The following ARHGAP42 variants were observed in gnomAD, a reference collection of about 807,000 sequenced individuals.
ARHGAP42 encodes the protein rho GTPase-activating protein 42.
A neutral mutation model predicts 125.0 loss-of-function variants in ARHGAP42; 63 were observed. The ratio of observed to expected loss-of-function variants is 0.50; its 90% CI spans 0.41 to 0.62. The LOEUF is 0.62. ARHGAP42 is among the 20% of genes least tolerant of loss of function. The pLI is 0.00. For synonymous variants in ARHGAP42, 339 were observed against 351.0 expected (o/e 0.97, Z 0.38); for missense variants, 766 against 1,024.2 (o/e 0.75, Z 3.44).
intron 3 of ARHGAP42, among the ~76,000 whole-genome samples, chr11:100,847,518 C>T (rs192265135): frequency 1.7e-4 from 26 of 152,174 alleles, no homozygotes; most frequent in African/African-American, 5.1e-4. Flanking sequence ...AGATGATAAA[C>T]GCTGGGGAGT....
intron 1 of ARHGAP42, among the ~76,000 whole-genome samples, chr11:100,697,301 GC>G (rs1166325734): frequency 6.6e-6 from 1 of 152,044 alleles, no homozygotes; most frequent in Admixed American, 6.6e-5. Context: ...TCCTGCCTCA[GC>G]CTCCCCAGTA....
chr11:100,830,907 C>A (rs1225174593), intron 3 of ARHGAP42, among the ~76,000 whole-genome samples: 2 of 151,904 alleles, frequency 1.3e-5, no homozygotes, highest in African/African-American at 2.4e-5. Flanking sequence ...CAACATTTTT[C>A]TTGGGATATA....
chr11:100,976,798 T>C lies in ARHGAP42; in HGVS notation c.2237-17T>C, dbSNP rs1858404121. The stretch of plus-strand genomic sequence containing the variant: ...GTCTAATAGCACCTTGCCTATTTTC[T>C]TGGGCTTTCTTTTTAGGAAACAAGA... On this transcript the variant is annotated splice_polypyrimidine_tract_variant and intron_variant, in intron 20 of 23. Coordinates refer to ENST00000298815, the MANE Select transcript of ARHGAP42 (RefSeq NM_152432.4). The C allele has an allele frequency of 1.9e-6, 3 of 1,549,032 alleles. No individual in the cohort carries two copies. The highest frequency in any genetic ancestry group is 1.4e-5 in the African/African-American group (1 of 72,892).
intron 1 of ARHGAP42, among the ~76,000 whole-genome samples, chr11:100,751,029 C>T (rs1266394992): frequency 4.0e-5 from 6 of 150,922 alleles, no homozygotes; most frequent in African/African-American, 1.2e-4. Context: ...ACTTCTACCT[C>T]CCAGTTTCAA....
At chr11:100,912,458 A>G (rs1866948952) in intron 4 of ARHGAP42, among the ~76,000 whole-genome samples, 1 of 152,172 alleles carries the variant, frequency 6.6e-6, no homozygotes, top group Admixed American at 6.5e-5. Context: ...CAGTCTGAAC[A>G]TGCTTATAAA....
At chr11:100,848,096 T>G (rs1359397251) in intron 3 of ARHGAP42, among the ~76,000 whole-genome samples, 1 of 152,164 alleles carries the variant, frequency 6.6e-6, no homozygotes, top group East Asian at 1.9e-4. Flanking sequence ...TGATGACATA[T>G]GAAGTGGGAA....
intron 3 of ARHGAP42, among the ~76,000 whole-genome samples, chr11:100,815,446 C>T (rs1408982620): frequency 6.6e-6 from 1 of 152,132 alleles, no homozygotes; most frequent in Non-Finnish European, 1.5e-5. Flanking sequence ...CACTGATGCT[C>T]TATTCTGTAT....
At chr11:100,752,101 C>A (rs1342486241) in intron 1 of ARHGAP42, among the ~76,000 whole-genome samples, 1 of 151,928 alleles carries the variant, frequency 6.6e-6, no homozygotes, top group Non-Finnish European at 1.5e-5. Context: ...TTTTTTTCAT[C>A]TGCAGAAATG....
rs535734044 is a variant in ARHGAP42, at chr11:100,705,032, A to AAG, written c.154+17206_154+17207dup. 3.8e-4 allele frequency among the ~76,000 whole-genome samples: 53 copies of AAG among 141,080 alleles called. 1 individual carries two copies. The highest frequency in any genetic ancestry group is 4.7e-4 in the Non-Finnish European group (31 of 66,012). 92.6% of individuals were successfully genotyped at this position (141,080 alleles called of 152,430 possible). ...CAACAACAAAAAAAAAAAAAAAAAA[A>AAG]AGAGAGAAGAAAAGAAAAAGAAAGA... On this transcript the variant is annotated intron_variant, in intron 1 of 23. Transcript: ENST00000298815.
intron 1 of ARHGAP42, among the ~76,000 whole-genome samples, chr11:100,751,275 G>GTTTTTTTTTTTTTTTTTTTTTT (rs1862446648): frequency 8.2e-6 from 1 of 122,508 alleles, no homozygotes; most frequent in African/African-American, 3.5e-5. Flanking sequence ...TAGTGTGTGT[G>GTTTTTTTTTTTTTTTTTTTTTT]TGTGTTTTTT....
At chr11:100,912,261 TC>T (rs1866942691) in intron 4 of ARHGAP42, among the ~76,000 whole-genome samples, 1 of 152,230 alleles carries the variant, frequency 6.6e-6, no homozygotes, top group South Asian at 2.1e-4. Flanking sequence ...ATCTAATACT[TC>T]CCTCTCTCCT....
Position 100,717,322 on chromosome 11 carries a change from G to GA in ARHGAP42, c.154+29498dup, listed in dbSNP as rs542163837. On this transcript the variant is annotated intron_variant, in intron 1 of 23. Coordinates refer to ENST00000298815, the MANE Select transcript of ARHGAP42 (RefSeq NM_152432.4). Reference sequence around the variant, plus strand: ...AATGTAGTAAGTTGAACTACTATTAGAAAAAAAATTGAGTAAAAAAGATAC... The same window carrying GA: ...AATGTAGTAAGTTGAACTACTATTAGAAAAAAAAATTGAGTAAAAAAGATAC... Among the ~76,000 whole-genome samples, 12 of 151,984 alleles carry GA rather than the reference G, an allele frequency of 7.9e-5. No homozygotes were observed. In the East Asian group the frequency reaches 2.3e-3, roughly 29 times the overall value.
intron 3 of ARHGAP42, among the ~76,000 whole-genome samples, chr11:100,853,090 C>T (rs1247949116): frequency 6.6e-6 from 1 of 152,114 alleles, no homozygotes; most frequent in Non-Finnish European, 1.5e-5. Context: ...TTAAAAAATT[C>T]TATAAAATTG....
chr11:100,805,666 G>A (rs1243045471), intron 3 of ARHGAP42, among the ~76,000 whole-genome samples: 1 of 152,182 alleles, frequency 6.6e-6, no homozygotes, highest in East Asian at 1.9e-4. Flanking sequence ...ACAAGGGGTG[G>A]AGTATTCAGG....
chr11:100,941,872 C>A lies in ARHGAP42; in HGVS notation c.921C>A (p.Ser307=). ...TFTMSVSEMK[S]SGKMNGLVTS... Reference sequence around the variant, plus strand: ...CAATGAGTGTTTCAGAAATGAAATCCAGTGGGAAAATGGTGAGTTAGTTTT... The same window carrying A: ...CAATGAGTGTTTCAGAAATGAAATCAAGTGGGAAAATGGTGAGTTAGTTTT... The change falls in exon 9 of 24, where the codon TCC becomes TCA. Residue 307 remains serine (S), a synonymous_variant. Transcript: ENST00000298815. 1 of 1,530,042 alleles carries A rather than the reference C, an allele frequency of 6.5e-7. No individual in the cohort carries two copies. Among genetic ancestry groups the A allele is most frequent in the East Asian group, 2.5e-5 (1 of 40,194 alleles). 94.8% of individuals were successfully genotyped at this position (1,530,042 alleles called of 1,614,324 possible).
At position 100,980,762 on chromosome 11, in the gene ARHGAP42, G is replaced by C. The variant is rs1441538645; in HGVS notation, c.2456+1713G>C. Among the ~76,000 whole-genome samples the C allele has an allele frequency of 2.9e-5, 4 of 136,914 alleles. No individual in the cohort carries two copies. The South Asian group carries it at 9.9e-4, about 34-fold the overall frequency. 89.8% of individuals were successfully genotyped at this position (136,914 alleles called of 152,430 possible). ...ATTTTTGTAATTTTAGTAGAGACAG[G>C]GTTTCACCAGGTTGGCCAGGCTGGT... On this transcript the variant is annotated intron_variant, in intron 22 of 23. Transcript: ENST00000298815.
At chr11:100,772,894 T>C (rs1863016083) in intron 2 of ARHGAP42, among the ~76,000 whole-genome samples, 1 of 152,252 alleles carries the variant, frequency 6.6e-6, no homozygotes, top group South Asian at 2.1e-4. Flanking sequence ...TGGAGTGCAG[T>C]GGCATGATCT....
intron 1 of ARHGAP42, among the ~76,000 whole-genome samples, chr11:100,688,434 GGT>G (rs1252680118): frequency 6.6e-6 from 1 of 152,112 alleles, no homozygotes; most frequent in East Asian, 1.9e-4. Flanking sequence ...GTGGGTGTTG[GGT>G]GTGTCATTGG....
chr11:100,848,692 G>A (rs1336734841), intron 3 of ARHGAP42, among the ~76,000 whole-genome samples: 1 of 151,934 alleles, frequency 6.6e-6, no homozygotes, highest in Admixed American at 6.6e-5. Context: ...TTTTAGTAGA[G>A]ACAGGGTTTT....
Sources: gnomAD v4.1 joint callset for allele counts (sites outside exome capture counted in the v4.1 genomes callset) on GRCh38, gnomAD v4.1.1 for gene constraint, MANE v1.5 for transcripts, NCBI Gene and HGNC (gene_info 2026-07-23, HGNC 2026-07-21) for gene names.